PDPN: variants seen among roughly 807,000 people sequenced by gnomAD.
PDPN encodes the protein podoplanin.
Under a neutral mutation model 23.2 loss-of-function variants are expected in PDPN, and 12 were observed. That is an observed-to-expected ratio of 0.52 (90% CI 0.33 to 0.84). The LOEUF (loss-of-function observed/expected upper bound fraction) is 0.84, where lower values mean the gene tolerates loss of function less well. Among genes scored for constraint, PDPN ranks in the 40% least tolerant of loss-of-function variants. The pLI is 0.02. For synonymous variants in PDPN, 77 were observed against 76.7 expected, an observed-to-expected ratio of 1.00 and a Z score of -0.02; for missense variants, 199 against 212.2, an observed-to-expected ratio of 0.94 and a Z score of 0.39.
intron 1 of PDPN, among the ~76,000 whole-genome samples, chr1:13,588,748 G>A (rs541625261): frequency 1.3e-5 from 2 of 150,330 alleles, no homozygotes; most frequent in Non-Finnish European, 3.0e-5. Flanking sequence ...GCACTATCTC[G>A]TCTCACTGTA....
chr1:13,607,065 A>C, intron 1 of PDPN, 108 bp from the exon 2 acceptor site: 1 of 1,338,842 alleles, frequency 7.5e-7, no homozygotes, highest in Non-Finnish European at 1.0e-6. Flanking sequence ...AAAATAAAAC[A>C]AAAATTTCCA....
intron 1 of PDPN, among the ~76,000 whole-genome samples, chr1:13,604,277 GC>G (rs1216733705): frequency 6.6e-6 from 1 of 152,180 alleles, no homozygotes; most frequent in Non-Finnish European, 1.5e-5. Flanking sequence ...GACATGAGAT[GC>G]TGGCTGGAAA....
intron 1 of PDPN, among the ~76,000 whole-genome samples, chr1:13,600,655 G>A (rs1040903918): frequency 2.0e-5 from 3 of 152,206 alleles, no homozygotes; most frequent in Non-Finnish European, 2.9e-5. Context: ...GTGAGCCACC[G>A]CGTTGGGCCA....
chr1:13,603,195 C>T (rs1640692032), intron 1 of PDPN, among the ~76,000 whole-genome samples: 1 of 152,050 alleles, frequency 6.6e-6, no homozygotes, highest in South Asian at 2.1e-4. Context: ...CTAGCCTGGC[C>T]AACATGGTGA....
intron 1 of PDPN, among the ~76,000 whole-genome samples, chr1:13,599,002 C>T (rs1640567533): frequency 7.5e-6 from 1 of 132,572 alleles, no homozygotes; most frequent in Non-Finnish European, 1.7e-5. Flanking sequence ...CAAGAAAGTG[C>T]CCCCCCTCCT....
At chr1:13,595,653 C>T (rs186300287) in intron 1 of PDPN, among the ~76,000 whole-genome samples, 26 of 152,338 alleles carry the variant, frequency 1.7e-4, no homozygotes, top group African/African-American at 6.3e-4. Flanking sequence ...CCCCCAGTGC[C>T]GTTAGCACAC....
chr1:13,584,418 C>G (rs894741745), intron 1 of PDPN: 19 of 1,015,714 alleles, frequency 1.9e-5, no homozygotes, highest in African/African-American at 3.2e-5. Flanking sequence ...TAGGCAGCCC[C>G]GCTTGCTGGC....
At position 13,613,769 on chromosome 1, in the gene PDPN, T is replaced by A. The variant is rs74058145; in HGVS notation, c.370+44T>A. 4.2e-3 allele frequency: 4,742 copies of A among 1,115,964 alleles called. 134 individuals are homozygous for A. The African/African-American group carries it at 0.062, about 15-fold the overall frequency. The allele number at this position is 1,115,964 out of a possible 1,614,324, so 69.1% of individuals were successfully genotyped here. ...TCAAAATACTCTTACTGGGGTTTTTTAAAAATTTCTTTGAAGCTAATTGTT... is the reference window on the plus strand; with the variant it reads ...TCAAAATACTCTTACTGGGGTTTTTAAAAAATTTCTTTGAAGCTAATTGTT... On this transcript the variant is annotated intron_variant, in intron 4 of 5. Coordinates refer to ENST00000621990, the MANE Select transcript of PDPN (RefSeq NM_006474.5).
intron 1 of PDPN, among the ~76,000 whole-genome samples, chr1:13,602,439 G>A (rs1177793811): frequency 1.3e-5 from 2 of 152,064 alleles, no homozygotes; most frequent in Non-Finnish European, 2.9e-5. Context: ...CACAAAAGAA[G>A]ACAAATGGAT....
At chr1:13,585,654 T>C (rs777274119) in intron 1 of PDPN, 7 of 1,351,494 alleles carry the variant, frequency 5.2e-6, no homozygotes, top group Non-Finnish European at 6.9e-6. Flanking sequence ...TCCTAAAAGA[T>C]GGCGTTAAAA....
At chr1:13,586,135 A>G (rs987278356) in intron 1 of PDPN, among the ~76,000 whole-genome samples, 1 of 152,134 alleles carries the variant, frequency 6.6e-6, no homozygotes, top group African/African-American at 2.4e-5. Context: ...TAGAGAGTTT[A>G]TTTTGTGAGA....
intron 1 of PDPN, among the ~76,000 whole-genome samples, chr1:13,601,975 ATGCCTTTGG>A (rs2100248867): frequency 1.9e-5 from 1 of 53,104 alleles, no homozygotes; most frequent in African/African-American, 1.2e-4. Flanking sequence ...GCGGTGGCTC[ATGCCTTTGG>A]GTGGCTCATG....
intron 1 of PDPN, among the ~76,000 whole-genome samples, chr1:13,587,008 A>G (rs1640198712): frequency 6.6e-6 from 1 of 152,208 alleles, no homozygotes. Context: ...CCAAGATCAC[A>G]CCACAGCACT....
intron 1 of PDPN, among the ~76,000 whole-genome samples, chr1:13,586,957 G>A (rs1238039752): frequency 1.3e-5 from 2 of 152,084 alleles, no homozygotes; most frequent in African/African-American, 2.4e-5. Context: ...AGGCTGAGGC[G>A]GAAGAATCGC....
chr1:13,605,913 A>G (rs1320685654), intron 1 of PDPN, among the ~76,000 whole-genome samples: 1 of 151,938 alleles, frequency 6.6e-6, no homozygotes, highest in Non-Finnish European at 1.5e-5. Context: ...GAGCCACCAC[A>G]CCTGGCCCAG....
In PDPN at chr1:13,586,803, C is replaced by A. The variant is rs1438570682; in HGVS notation, c.67+2703C>A. Among the ~76,000 whole-genome samples the A allele has an allele frequency of 5.4e-5, 8 of 149,320 alleles. No homozygotes were observed. In the South Asian group the frequency reaches 1.1e-3, roughly 20 times the overall value. The stretch of plus-strand genomic sequence containing the variant: ...AAAAAAGAGGCTGGGCATGGTGGCT[C>A]ACGCCTGTGAGGGGCCGAGGCGGGC... On this transcript the variant is annotated intron_variant, in intron 1 of 5. Coordinates refer to ENST00000621990, the MANE Select transcript of PDPN (RefSeq NM_006474.5).
chr1:13,600,101 A>G (rs1640603648), intron 1 of PDPN, among the ~76,000 whole-genome samples: 2 of 152,162 alleles, frequency 1.3e-5, no homozygotes, highest in Admixed American at 6.6e-5. Flanking sequence ...GGGATTTCAT[A>G]AGAGGCAGTG....
At chr1:13,587,402 A>G (rs188834830) in intron 1 of PDPN, among the ~76,000 whole-genome samples, 6 of 152,288 alleles carry the variant, frequency 3.9e-5, no homozygotes, top group Admixed American at 3.3e-4. Context: ...CCATCGGCTT[A>G]TCTGAATATT....
At chr1:13,599,165 C>A (rs1640575548) in intron 1 of PDPN, among the ~76,000 whole-genome samples, 1 of 151,600 alleles carries the variant, frequency 6.6e-6, no homozygotes, top group African/African-American at 2.4e-5. Flanking sequence ...TGTGCACCAC[C>A]ACGCCTGGCT....
Sources: gnomAD v4.1 joint callset for allele counts (sites outside exome capture counted in the v4.1 genomes callset) on GRCh38, gnomAD v4.1.1 for gene constraint, MANE v1.5 for transcripts, NCBI Gene and HGNC (gene_info 2026-07-23, HGNC 2026-07-21) for gene names.